ZNF385D: variants seen among roughly 807,000 people sequenced by gnomAD.
ZNF385D encodes zinc finger protein 385D.
A neutral mutation model predicts 35.8 loss-of-function variants in ZNF385D; 15 were observed. The observed-to-expected ratio is 0.42, with a 90% CI of 0.28 to 0.64. The LOEUF is 0.64. Ranked by LOEUF, ZNF385D falls within the 30% of genes least tolerant of loss-of-function variation. ZNF385D has a pLI of 0.23. For synonymous variants in ZNF385D, 212 were observed against 186.8 expected, an observed-to-expected ratio of 1.13 and a Z score of -1.10; for missense variants, 474 against 494.6, an observed-to-expected ratio of 0.96 and a Z score of 0.39.
chr3:21,643,071 G>T (rs2065653411), intron 2 of ZNF385D, among the ~76,000 whole-genome samples: 1 of 151,858 alleles, frequency 6.6e-6, no homozygotes, highest in African/African-American at 2.4e-5. Flanking sequence ...GGTTAAAATG[G>T]TAAAGTTTAT....
chr3:22,154,473 T>C (rs1202232860), intron 3 of ZNF385D, among the ~76,000 whole-genome samples: 1 of 152,166 alleles, frequency 6.6e-6, no homozygotes, highest in African/African-American at 2.4e-5. Flanking sequence ...GAATTCCTCC[T>C]CTCTGCCAGA....
chr3:21,892,215 A>G (rs1698906218), intron 3 of ZNF385D, among the ~76,000 whole-genome samples: 1 of 152,184 alleles, frequency 6.6e-6, no homozygotes, highest in Admixed American at 6.5e-5. Flanking sequence ...AAATTTGAAT[A>G]TATAGAATTT....
chr3:21,926,782 A>C (rs1700750472), intron 3 of ZNF385D, among the ~76,000 whole-genome samples: 1 of 152,212 alleles, frequency 6.6e-6, no homozygotes, highest in Non-Finnish European at 1.5e-5. Context: ...ATGGCAACAA[A>C]AACCAAAATA....
intron 3 of ZNF385D, among the ~76,000 whole-genome samples, chr3:21,867,540 G>A (rs141258624): frequency 1.5e-3 from 226 of 152,218 alleles, no homozygotes; most frequent in Non-Finnish European, 2.4e-3. Flanking sequence ...TCTCTGTCAA[G>A]ATTGCGTCTT....
intron 2 of ZNF385D, among the ~76,000 whole-genome samples, chr3:22,354,233 A>G (rs1257908487): frequency 2.6e-5 from 4 of 152,118 alleles, no homozygotes; most frequent in Non-Finnish European, 5.9e-5. Flanking sequence ...GCAAGCTATG[A>G]ACATTTTCTG....
intron 2 of ZNF385D, among the ~76,000 whole-genome samples, chr3:22,283,455 G>A (rs1055617630): frequency 6.6e-6 from 1 of 152,106 alleles, no homozygotes; most frequent in Admixed American, 6.6e-5. Flanking sequence ...AGTCAGATAT[G>A]TAAGCAGATG....
At chr3:21,640,872 A>G (rs1265656715) in intron 2 of ZNF385D, among the ~76,000 whole-genome samples, 1 of 152,154 alleles carries the variant, frequency 6.6e-6, no homozygotes, top group Non-Finnish European at 1.5e-5. Flanking sequence ...TAACTATAAC[A>G]ATGACCTAGA....
At chr3:22,001,195 T>C (rs1695821620) in intron 3 of ZNF385D, among the ~76,000 whole-genome samples, 1 of 151,982 alleles carries the variant, frequency 6.6e-6, no homozygotes, top group Non-Finnish European at 1.5e-5. Flanking sequence ...TTAAAAGATA[T>C]AGATTAGCTG....
chr3:22,211,045 T>G (rs1697485985), intron 2 of ZNF385D, among the ~76,000 whole-genome samples: 1 of 151,946 alleles, frequency 6.6e-6, no homozygotes, highest in African/African-American at 2.4e-5. Context: ...TTCCAAGAAA[T>G]CTTTTCTAAA....
At chr3:21,880,036 TA>T (rs1282188437) in intron 3 of ZNF385D, among the ~76,000 whole-genome samples, 1 of 151,910 alleles carries the variant, frequency 6.6e-6, no homozygotes, top group Non-Finnish European at 1.5e-5. Context: ...TTTAAATATG[TA>T]AAAATACTAT....
intron 3 of ZNF385D, among the ~76,000 whole-genome samples, chr3:22,076,326 G>T (rs551391643): frequency 6.6e-6 from 1 of 151,866 alleles, no homozygotes; most frequent in South Asian, 2.1e-4. Flanking sequence ...CCCAACCTTG[G>T]TCACTTCGGT....
At chr3:21,790,541 G>T (rs967169649) in intron 3 of ZNF385D, among the ~76,000 whole-genome samples, 1 of 152,100 alleles carries the variant, frequency 6.6e-6, no homozygotes, top group East Asian at 1.9e-4. Context: ...ATAAAGAGAA[G>T]AAAATGTCAT....
chr3:21,443,347 C>T (rs1049171813), intron 4 of ZNF385D: 16 of 985,098 alleles, frequency 1.6e-5, no homozygotes, highest in African/African-American at 1.2e-4. Context: ...AGTTGCTAGG[C>T]GAAACTTGAT....
intron 3 of ZNF385D, among the ~76,000 whole-genome samples, chr3:21,947,273 G>T (rs1047637551): frequency 1.4e-4 from 21 of 152,008 alleles, no homozygotes; most frequent in African/African-American, 4.8e-4. Context: ...ATAAATATTG[G>T]CAAATTTATG....
chr3:21,994,603 T>C (rs890494634), intron 3 of ZNF385D, among the ~76,000 whole-genome samples: 2 of 152,224 alleles, frequency 1.3e-5, no homozygotes, highest in African/African-American at 4.8e-5. Flanking sequence ...TATGTTAGCT[T>C]GCTTTTTCAT....
chr3:21,654,624 A>ACC (rs934259973), intron 2 of ZNF385D, among the ~76,000 whole-genome samples: 4 of 152,170 alleles, frequency 2.6e-5, no homozygotes, highest in African/African-American at 7.2e-5. Context: ...GACCAGCCCT[A>ACC]CCCCCATCAG....
chr3:22,191,110 C>T (rs1045490573), intron 2 of ZNF385D, among the ~76,000 whole-genome samples: 1 of 151,318 alleles, frequency 6.6e-6, no homozygotes, highest in African/African-American at 2.4e-5. Flanking sequence ...AAGTCCACAG[C>T]AGAAATTGCT....
At chr3:21,770,157 C>T (rs1164409333) in intron 3 of ZNF385D, among the ~76,000 whole-genome samples, 1 of 152,138 alleles carries the variant, frequency 6.6e-6, no homozygotes, top group African/African-American at 2.4e-5. Flanking sequence ...TAGGCAATAT[C>T]ATTCAGGACA....
chr3:21,501,344 C>G (rs1170280631), intron 4 of ZNF385D, among the ~76,000 whole-genome samples: 1 of 152,254 alleles, frequency 6.6e-6, no homozygotes, highest in South Asian at 2.1e-4. Context: ...GACCAAGAAC[C>G]CTGGTGTTCC....
Sources: allele counts gnomAD v4.1 joint callset (sites outside exome capture counted in the v4.1 genomes callset), GRCh38; gene constraint gnomAD v4.1.1; transcripts MANE v1.5; gene names NCBI Gene and HGNC (gene_info 2026-07-23, HGNC 2026-07-21).